TBC1D4: variants seen among roughly 807,000 people sequenced by gnomAD.
TBC1D4 encodes TBC1 domain family member 4.
Under a neutral mutation model 142.5 loss-of-function variants are expected in TBC1D4, and 121 were observed. The ratio of observed to expected loss-of-function variants is 0.85; its 90% CI spans 0.73 to 0.99. The LOEUF is 0.99. Among genes scored for constraint, TBC1D4 ranks in the 50% least tolerant of loss-of-function variants. TBC1D4 has a pLI of 0.00. For synonymous variants in TBC1D4, 630 were observed against 628.2 expected, an observed-to-expected ratio of 1.00 and a Z score of -0.04; for missense variants, 1,475 against 1,606.6, an observed-to-expected ratio of 0.92 and a Z score of 1.40.
intron 1 of TBC1D4, among the ~76,000 whole-genome samples, chr13:75,405,269 C>CTTTT (rs5804811): frequency 3.4e-4 from 43 of 126,890 alleles, no homozygotes; most frequent in African/African-American, 7.3e-4. Context: ...TGTATATATG[C>CTTTT]TTTTTTTTTT....
rs1204385139 is a variant in TBC1D4 at position 75,481,577 on chromosome 13, C to T, written c.191G>A (p.Arg64Lys). The T allele has an allele frequency of 6.2e-7, 1 of 1,603,154 alleles. No homozygotes were observed. The highest frequency in any genetic ancestry group is 1.1e-5 in the South Asian group (1 of 89,932). The change falls in exon 1 of 21, where the codon AGG (arginine) becomes AAG (lysine). Residue 64 changes from arginine to lysine, a missense_variant. Around this residue, in one of 2 missense-constraint regions of TBC1D4, gnomAD observed 1,227 missense variants for 1,267.7 expected, o/e 0.97. Coordinates refer to ENST00000377636, the MANE Select transcript of TBC1D4 (RefSeq NM_014832.5). ...GCCCGCCTCGGGCTTCTGGCTGCGC[C>T]TGCGGATCTCGGCCATGAGCCAGGG... ...MLPWLMAEIRRRSQKPEAGGC... is the reference protein window; with the variant it reads ...MLPWLMAEIRKRSQKPEAGGC...
rs984456574 is a variant in TBC1D4, at chr13:75,312,917, C to T, written c.2223-19G>A. 2 of 1,613,878 alleles carry T rather than the reference C, an allele frequency of 1.2e-6. No homozygotes were observed. Among genetic ancestry groups the T allele is most frequent in the Admixed American group, 3.3e-5 (2 of 60,024 alleles). On this transcript the variant is annotated intron_variant, in intron 12 of 20. Coordinates refer to ENST00000377636, the MANE Select transcript of TBC1D4 (RefSeq NM_014832.5). ...TCCATCACTGTTGAAAGCAAATAAACATATCACTTATAAGGAGAGCTGCAC... is the reference window on the plus strand; with the variant it reads ...TCCATCACTGTTGAAAGCAAATAAATATATCACTTATAAGGAGAGCTGCAC...
At chr13:75,292,971 A>G (rs1213106817) in intron 18 of TBC1D4, among the ~76,000 whole-genome samples, 1 of 152,148 alleles carries the variant, frequency 6.6e-6, no homozygotes, top group Non-Finnish European at 1.5e-5. Context: ...CCTGGTCAAC[A>G]TGGTGAAACC....
intron 4 of TBC1D4, among the ~76,000 whole-genome samples, chr13:75,355,322 G>A (rs1169249735): frequency 6.6e-6 from 1 of 152,172 alleles, no homozygotes; most frequent in Non-Finnish European, 1.5e-5. Context: ...TATGTCTAAA[G>A]GGTTGTGTTA....
intron 19 of TBC1D4, among the ~76,000 whole-genome samples, chr13:75,289,425 T>G (rs1028355940): frequency 6.6e-6 from 1 of 152,042 alleles, no homozygotes; most frequent in African/African-American, 2.4e-5. Context: ...CCAAGTGTAT[T>G]TGGCAGCTAA....
Position 75,341,218 on chromosome 13 carries a change from A to G in TBC1D4, c.1518T>C (p.Ser506=), listed in dbSNP as rs1471283910. 6.2e-7 allele frequency: 1 copy of G among 1,613,750 alleles called. No homozygotes were observed. Among genetic ancestry groups the G allele is most frequent in the Admixed American group, 1.7e-5 (1 of 59,964 alleles). The change falls in exon 7 of 21, where the codon AGT becomes AGC. Residue 506 remains serine, a synonymous_variant. Transcript: ENST00000377636. ...FERVQKMKPV[S]DQEENELVIL... ...TCACAAGTTCATTTTCTTCCTGGTC[A>G]CTGACTGGCTTCATTTTCTGTTCAA... is the stretch of plus-strand genomic sequence containing the variant.
intron 1 of TBC1D4, among the ~76,000 whole-genome samples, chr13:75,373,041 G>A (rs9318339): frequency 0.011 from 1,716 of 152,318 alleles, 43 homozygotes; most frequent in African/African-American, 0.038. Context: ...CTGAATTCAT[G>A]AGAAGAGAAG....
At chr13:75,380,539 T>TG (rs1277888696) in intron 1 of TBC1D4, among the ~76,000 whole-genome samples, 1 of 41,136 alleles carries the variant, frequency 2.4e-5, no homozygotes, top group East Asian at 1.1e-3. Context: ...TAGATAAGAT[T>TG]TTTTTTTTTT....
At chr13:75,325,195 T>C (rs931513623) in intron 10 of TBC1D4, among the ~76,000 whole-genome samples, 10 of 152,172 alleles carry the variant, frequency 6.6e-5, no homozygotes, top group African/African-American at 2.2e-4. Flanking sequence ...TATCTTGATA[T>C]ACATATGACT....
intron 8 of TBC1D4, among the ~76,000 whole-genome samples, chr13:75,329,842 C>T (rs572134772): frequency 3.7e-4 from 57 of 152,232 alleles, no homozygotes; most frequent in African/African-American, 1.3e-3. Flanking sequence ...CTCAAATGTC[C>T]TTTGTTTCAG....
At chr13:75,469,015 G>A (rs1228904250) in intron 1 of TBC1D4, among the ~76,000 whole-genome samples, 1 of 152,162 alleles carries the variant, frequency 6.6e-6, no homozygotes, top group Non-Finnish European at 1.5e-5. Context: ...GTGAAAAAGT[G>A]GGCTACCCAC....
At chr13:75,389,660 A>G (rs1489226000) in intron 1 of TBC1D4, among the ~76,000 whole-genome samples, 1 of 152,228 alleles carries the variant, frequency 6.6e-6, no homozygotes, top group Non-Finnish European at 1.5e-5. Context: ...CCAATTAAAT[A>G]TTGCCATAAT....
rs143850226 is a variant in TBC1D4, at chr13:75,451,366, T to C, written c.498+29904A>G. On this transcript the variant is annotated intron_variant, in intron 1 of 20. Coordinates refer to ENST00000377636, the MANE Select transcript of TBC1D4 (RefSeq NM_014832.5). Reference sequence around the variant, plus strand: ...TATTTAAGAGTCAGTAGATAATTTTTTTCTGTTACTTATTAAGCATACATT... The same window carrying C: ...TATTTAAGAGTCAGTAGATAATTTTCTTCTGTTACTTATTAAGCATACATT... Among the ~76,000 whole-genome samples the C allele has an allele frequency of 3.6e-3, 555 of 152,108 alleles. 3 individuals carry two copies. Among genetic ancestry groups the C allele is most frequent in the African/African-American group, 0.013 (530 of 41,526 alleles).
chr13:75,303,103 A>C (rs1171886791), intron 15 of TBC1D4, among the ~76,000 whole-genome samples: 1 of 152,170 alleles, frequency 6.6e-6, no homozygotes, highest in Non-Finnish European at 1.5e-5. Context: ...GGGTCACTTG[A>C]GGTCAGGTGT....
chr13:75,480,629 A>G (rs1888800288), intron 1 of TBC1D4, among the ~76,000 whole-genome samples: 1 of 152,194 alleles, frequency 6.6e-6, no homozygotes, highest in Non-Finnish European at 1.5e-5. Flanking sequence ...AAAACCGCAA[A>G]AAAAGGGCTT....
chr13:75,299,229 T>C, intron 17 of TBC1D4, 101 bp downstream of exon 17: 2 of 1,579,750 alleles, frequency 1.3e-6, no homozygotes, highest in South Asian at 1.1e-5. Flanking sequence ...TCTAAGACAA[T>C]GGCTCTACAT....
At chr13:75,429,015 A>G (rs1477982081) in intron 1 of TBC1D4, among the ~76,000 whole-genome samples, 1 of 152,180 alleles carries the variant, frequency 6.6e-6, no homozygotes, top group African/African-American at 2.4e-5. Flanking sequence ...GAATCACCTG[A>G]CCACCACAAA....
At chr13:75,316,919 T>C (rs969700813) in intron 12 of TBC1D4, among the ~76,000 whole-genome samples, 1 of 152,298 alleles carries the variant, frequency 6.6e-6, no homozygotes, top group Non-Finnish European at 1.5e-5. Context: ...ACACGTGGTG[T>C]TTACTGTAAT....
chr13:75,361,801 C>T (rs1882541516), intron 2 of TBC1D4, among the ~76,000 whole-genome samples: 1 of 152,194 alleles, frequency 6.6e-6, no homozygotes, highest in Non-Finnish European at 1.5e-5. Context: ...CCTCTTCCTT[C>T]CCTACTCCCT....
Sources: gnomAD v4.1 joint callset for allele counts (sites outside exome capture counted in the v4.1 genomes callset) on GRCh38, gnomAD v4.1.1 for gene constraint, gnomAD v4.1.1 regional missense constraint, MANE v1.5 for transcripts, NCBI Gene and HGNC (gene_info 2026-07-23, HGNC 2026-07-21) for gene names.